Variants in THRA observed in about 807,000 individuals in gnomAD.
THRA encodes the protein EAR-7.
In THRA, 13 loss-of-function variants were observed where a neutral mutation model predicts 45.0. The observed-to-expected ratio is 0.29, with a 90% confidence interval of 0.19 to 0.46. THRA has a LOEUF of 0.46. Ranked by LOEUF, THRA falls within the 20% of genes least tolerant of loss-of-function variation. The pLI is 1.00. For synonymous variants in THRA, 195 were observed against 214.0 expected, an observed-to-expected ratio of 0.91 and a Z score of 0.78; for missense variants, 278 against 556.1, an observed-to-expected ratio of 0.50 and a Z score of 5.03.
At position 40,091,917 on chromosome 17, in the gene THRA, C is replaced by G. The variant is rs1429361669; in HGVS notation, c.*2461C>G. The G allele has an allele frequency of 6.6e-6, 1 of 152,410 alleles. No individual in the cohort carries two copies. The highest frequency in any genetic ancestry group is 1.5e-5 in the Non-Finnish European group (1 of 68,252). 9.4% of individuals were successfully genotyped at this position (152,410 alleles called of 1,614,324 possible). A position where few individuals can be genotyped will look rare whatever the true frequency, so the allele number is the denominator to read the frequency against. ...GGCCCTCTCCTGGGGGCCATTGGTG[C>G]TAATGAGGGGGATGGCCTTGATGTG... is the stretch of plus-strand genomic sequence containing the variant. On this transcript the variant is annotated 3_prime_UTR_variant, in exon 9 of 9. Coordinates refer to ENST00000450525, the MANE Select transcript of THRA (RefSeq NM_199334.5).
chr17:40,087,879 C>T (rs888804724), intron 7 of THRA, among the ~76,000 whole-genome samples: 1 of 152,222 alleles, frequency 6.6e-6, no homozygotes, highest in Non-Finnish European at 1.5e-5. Flanking sequence ...CTGCCTTAGC[C>T]TCCTGAGTAG....
intron 1 of THRA, among the ~76,000 whole-genome samples, chr17:40,070,796 G>A (rs1205261875): frequency 1.3e-5 from 2 of 151,882 alleles, no homozygotes; most frequent in Non-Finnish European, 2.9e-5. Context: ...AGCTGTCACC[G>A]TGGAAACCAT....
At chr17:40,093,019 G>A (rs1987642754), downstream of THRA, 1 of 1,609,814 alleles carries the variant, frequency 6.2e-7, no homozygotes. This position sits in a 1 kb window ranked among gnomAD's most constrained non-coding sequence, Gnocchi z 5.9. Flanking sequence ...GTCTCGTAAA[G>A]GAGAGAGAAG....
chr17:40,068,623 T>G (rs570984688), intron 1 of THRA, among the ~76,000 whole-genome samples: 1 of 152,330 alleles, frequency 6.6e-6, no homozygotes, highest in East Asian at 1.9e-4. Flanking sequence ...GGAAATACTA[T>G]CCTTGCTTCG....
chr17:40,084,012 C>T, intron 5 of THRA, 30 bp downstream of exon 5: 1 of 1,587,118 alleles, frequency 6.3e-7, no homozygotes, highest in Non-Finnish European at 8.6e-7. Flanking sequence ...GGAATAGAGC[C>T]AGGTGGCCTG....
downstream of THRA, chr17:40,093,207 A>G: frequency 6.2e-7 from 1 of 1,613,756 alleles, no homozygotes; most frequent in Non-Finnish European, 8.5e-7. This position sits in a 1 kb window ranked among gnomAD's most constrained non-coding sequence, Gnocchi z 5.9. Context: ...GTTCTTCAGC[A>G]CCAGAGCCCG....
chr17:40,091,231 TAC>T lies in THRA; in HGVS notation c.*1814_*1815del, dbSNP rs71152640. Reference sequence around the variant, plus strand: ...TGACCCTCAGCCTGCCACAGCCCCCTACACACACACACACACACACACACACA... The same window carrying T: ...TGACCCTCAGCCTGCCACAGCCCCCTACACACACACACACACACACACACA... On this transcript the variant is annotated 3_prime_UTR_variant, in exon 9 of 9. Coordinates refer to ENST00000450525, the MANE Select transcript of THRA (RefSeq NM_199334.5). The T allele has an allele frequency of 0.08, 11,414 of 142,082 alleles. 436 individuals carry two copies. Among genetic ancestry groups the T allele is most frequent in the African/African-American group, 0.11 (4,115 of 38,078 alleles). 8.8% of individuals were successfully genotyped at this position (142,082 alleles called of 1,614,324 possible). A position where few individuals can be genotyped will look rare whatever the true frequency, so the allele number is the denominator to read the frequency against.
At position 40,074,535 on chromosome 17, in the gene THRA, A is replaced by G; in HGVS notation, c.47A>G (p.Glu16Gly). The change falls in exon 2 of 9, where the codon GAG (glutamate) becomes GGG (glycine). Residue 16 changes from glutamate (E) to glycine (G), a missense_variant. By Grantham distance (98) the Glu-to-Gly change is moderately conservative (BLOSUM62 -2). This residue lies in a region of THRA where 34 missense variants were observed against 39.7 expected (regional missense o/e 0.86). Transcript: ENST00000450525. ...SKVECGSDPE[E>G]NSARSPDGKR... ...GTGGAGTGTGGGTCAGACCCAGAGG[A>G]GAACAGGTAATGGGTTCAGCAACTA... The G allele has an allele frequency of 1.9e-6, 3 of 1,614,082 alleles. No homozygotes were observed. Among genetic ancestry groups the G allele is most frequent in the Non-Finnish European group, 2.5e-6 (3 of 1,179,962 alleles).
At chr17:40,088,557 T>C in intron 8 of THRA, 57 bp downstream of exon 8, 2 of 1,560,402 alleles carry the variant, frequency 1.3e-6, no homozygotes, top group Non-Finnish European at 1.7e-6. Flanking sequence ...AGAGATTGGC[T>C]GGACCCTGGG....
intron 4 of THRA, among the ~76,000 whole-genome samples, chr17:40,083,257 CAG>C (rs1041490625): frequency 7.3e-5 from 11 of 150,766 alleles, no homozygotes; most frequent in East Asian, 2.0e-4. Context: ...TTAGTAGAGA[CAG>C]GGTTTCACCA....
At chr17:40,070,954 A>C (rs936516313) in intron 1 of THRA, among the ~76,000 whole-genome samples, 4 of 139,494 alleles carry the variant, frequency 2.9e-5, no homozygotes, top group African/African-American at 2.7e-5. Flanking sequence ...TTTCTACCTC[A>C]CCCCTTCTCC....
intron 4 of THRA, among the ~76,000 whole-genome samples, chr17:40,079,481 G>C (rs1384616035): frequency 6.6e-6 from 1 of 152,092 alleles, no homozygotes; most frequent in African/African-American, 2.4e-5. Flanking sequence ...CTGACCTCAG[G>C]TGATCTGCCT....
At chr17:40,087,414 GCACACA>G (rs112827341) in intron 7 of THRA, among the ~76,000 whole-genome samples, 46 of 119,364 alleles carry the variant, frequency 3.9e-4, no homozygotes, top group African/African-American at 1.3e-3. Flanking sequence ...CAGCACACAG[GCACACA>G]CACACACACA....
At chr17:40,078,616 C>T (rs1218449226) in intron 4 of THRA, among the ~76,000 whole-genome samples, 2 of 152,110 alleles carry the variant, frequency 1.3e-5, no homozygotes, top group Non-Finnish European at 2.9e-5. Context: ...TCAAGCTGCT[C>T]ACAGCCTGTC....
intron 1 of THRA, among the ~76,000 whole-genome samples, chr17:40,063,409 G>T (rs1986432245): frequency 6.6e-6 from 1 of 152,148 alleles, no homozygotes; most frequent in South Asian, 2.1e-4. Context: ...CCCGGGCCGG[G>T]CCCCGTTGCC....
chr17:40,065,556 G>C (rs1224744746), intron 1 of THRA, among the ~76,000 whole-genome samples: 2 of 152,046 alleles, frequency 1.3e-5, no homozygotes, highest in Non-Finnish European at 2.9e-5. Context: ...ATCTACCCCT[G>C]TCCTTGTCTC....
At chr17:40,063,869 G>C (rs1986456745) in intron 1 of THRA, among the ~76,000 whole-genome samples, 1 of 151,606 alleles carries the variant, frequency 6.6e-6, no homozygotes, top group African/African-American at 2.4e-5. Flanking sequence ...TGAAAGAAAG[G>C]CCTGGGGGGA....
At chr17:40,073,154 G>T (rs1227954681) in intron 1 of THRA, among the ~76,000 whole-genome samples, 1 of 152,176 alleles carries the variant, frequency 6.6e-6, no homozygotes, top group Non-Finnish European at 1.5e-5. Context: ...CAGCAGCCAC[G>T]TGACAGAGGT....
intron 4 of THRA, among the ~76,000 whole-genome samples, chr17:40,081,976 A>C (rs1212082490): frequency 6.6e-6 from 1 of 150,466 alleles, no homozygotes; most frequent in Non-Finnish European, 1.5e-5. Flanking sequence ...AAGAAAAAAA[A>C]AATTAAATTA....
Sources: gnomAD v4.1 joint callset for allele counts (sites outside exome capture counted in the v4.1 genomes callset) on GRCh38, gnomAD v4.1.1 for gene constraint, gnomAD v4.1.1 regional missense constraint, Gnocchi (gnomAD v3.1) non-coding constraint, MANE v1.5 for transcripts, NCBI Gene and HGNC (gene_info 2026-07-23, HGNC 2026-07-21) for gene names.